MPRIP: variants seen among roughly 807,000 people sequenced by gnomAD.
MPRIP encodes the protein myosin phosphatase Rho-interacting protein.
In MPRIP, 59 loss-of-function variants were observed where a neutral mutation model predicts 234.9. That is an observed-to-expected ratio of 0.25 (90% CI 0.20 to 0.31). The LOEUF is 0.31. Ranked by LOEUF, MPRIP falls within the 10% of genes least tolerant of loss-of-function variation. The pLI is 1.00. For synonymous variants in MPRIP, 1,144 were observed against 1,263.9 expected, an observed-to-expected ratio of 0.91 and a Z score of 2.01; for missense variants, 2,436 against 3,071.0, an observed-to-expected ratio of 0.79 and a Z score of 4.89.
chr17:17,179,898 A>T, intron 22 of MPRIP, 105 bp from the exon 23 acceptor site: 1 of 878,518 alleles, frequency 1.1e-6, no homozygotes, highest in Non-Finnish European at 1.8e-6. Flanking sequence ...TGTCCTAAGT[A>T]TGCTGCAGTA....
intron 4 of MPRIP, among the ~76,000 whole-genome samples, chr17:17,131,252 T>A (rs1440740601): frequency 6.6e-6 from 1 of 152,182 alleles, no homozygotes; most frequent in Non-Finnish European, 1.5e-5. Flanking sequence ...AGCACCTGCC[T>A]CTGTTGCCCT....
chr17:17,142,095 G>A (rs1309158646), intron 7 of MPRIP: 2 of 155,588 alleles, frequency 1.3e-5, no homozygotes, highest in African/African-American at 2.4e-5. Context: ...CTCCGTCTCC[G>A]GCCGTAGACA....
intron 4 of MPRIP, among the ~76,000 whole-genome samples, chr17:17,127,860 C>G (rs554928517): frequency 1.3e-5 from 2 of 152,326 alleles, no homozygotes; most frequent in South Asian, 2.1e-4. Context: ...GTGAGCACAG[C>G]TGGAAGTCCA....
rs780601604 is a variant in MPRIP, at chr17:17,137,897, C to T, written c.737-19C>T. 1.3e-6 allele frequency: 2 copies of T among 1,561,568 alleles called. No individual in the cohort carries two copies. Among genetic ancestry groups the T allele is most frequent in the Non-Finnish European group, 8.7e-7 (1 of 1,154,816 alleles). ...CCAGCAGGCTGAGTGCGTCTCCTCC[C>T]TCCCACTGTCTCTTCCAGAGGAGAG... On this transcript the variant is annotated intron_variant, in intron 6 of 23. Transcript: ENST00000651222.
At chr17:17,128,452 C>T (rs1029697018) in intron 4 of MPRIP, among the ~76,000 whole-genome samples, 3 of 152,314 alleles carry the variant, frequency 2.0e-5, no homozygotes, top group Admixed American at 6.5e-5. Context: ...GTCCTCACTC[C>T]ATCCCAAGCC....
intron 3 of MPRIP, among the ~76,000 whole-genome samples, chr17:17,085,978 G>T (rs2144109957): frequency 6.6e-6 from 1 of 152,346 alleles, no homozygotes; most frequent in Non-Finnish European, 1.5e-5. Context: ...TTATCCAGGT[G>T]CCCAGAGGCC....
In MPRIP at chr17:17,100,431, G is replaced by GGT. The variant is rs143235971; in HGVS notation, c.267+22370_267+22371dup. On this transcript the variant is annotated intron_variant, in intron 3 of 23. Transcript: ENST00000651222. ...CACTTTGTCAGAAAATACATGAATT[G>GGT]GTGTGTGTGTGTGTGTATTTCAGTT... Among the ~76,000 whole-genome samples, 1,117 of 151,708 alleles carry GGT rather than the reference G, an allele frequency of 7.4e-3. 10 individuals are homozygous for GGT. The highest frequency in any genetic ancestry group is 0.022 in the African/African-American group (930 of 41,400).
In MPRIP at chr17:17,167,015, G is replaced by A. The variant is rs1248442507; in HGVS notation, c.5424G>A (p.Ser1808=). The A allele has an allele frequency of 3.8e-6, 5 of 1,304,140 alleles. No homozygotes were observed. Among genetic ancestry groups the A allele is most frequent in the South Asian group, 2.5e-5 (2 of 81,034 alleles). The allele number at this position is 1,304,140 out of a possible 1,614,324, so 80.8% of individuals were successfully genotyped here. A position where few individuals can be genotyped will look rare whatever the true frequency, so the allele number is the denominator to read the frequency against. Residue 1808 remains serine (S), a synonymous_variant, in exon 16 of 24, where the codon TCG becomes TCA. Transcript: ENST00000651222. This position sits in a 1 kb window ranked among gnomAD's most constrained non-coding sequence, Gnocchi z 5.9. Reference sequence around the variant, plus strand: ...TACCATCTCTGCCACCTGTGGAATCGCTGAGAGATTGCCAGAAGCTTCTCC... The same window carrying A: ...TACCATCTCTGCCACCTGTGGAATCACTGAGAGATTGCCAGAAGCTTCTCC... ...AALPSLPPVE[S]LRDCQKLLQV...
chr17:17,167,881 G>C lies in MPRIP; in HGVS notation c.6290G>C (p.Arg2097Pro). 2.3e-6 allele frequency: 3 copies of C among 1,304,042 alleles called. No individual in the cohort carries two copies. Among genetic ancestry groups the C allele is most frequent in the African/African-American group, 1.5e-5 (1 of 66,012 alleles). The allele number at this position is 1,304,042 out of a possible 1,614,324, so 80.8% of individuals were successfully genotyped here. Residue 2097 changes from arginine to proline, a missense_variant, in exon 16 of 24, where the codon CGT becomes CCT. Arg to Pro is a moderately radical substitution (Grantham distance 103, BLOSUM62 -2). This residue lies in a region of MPRIP where 1,998 missense variants were observed against 2,520.3 expected (regional missense o/e 0.79). Transcript: ENST00000651222. The surrounding 1 kb of genome is among the most constrained non-coding windows in gnomAD (Gnocchi z 5.9). ...CTGGAGGGCGACGCGGCCACACTGC[G>C]TGAGAAGTACCAGAGGGACTTGGAG... ...KDLEGDAATL[R>P]EKYQRDLESL...
chr17:17,044,917 G>A (rs1256080888), intron 1 of MPRIP, among the ~76,000 whole-genome samples: 1 of 152,144 alleles, frequency 6.6e-6, no homozygotes, highest in Non-Finnish European at 1.5e-5. Context: ...TGCTGGGAGA[G>A]GTTAGCCCAG....
chr17:17,124,350 A>G, intron 3 of MPRIP, among the ~76,000 whole-genome samples: 1 of 152,190 alleles, frequency 6.6e-6, no homozygotes, highest in East Asian at 1.9e-4. Context: ...ATCCCTTGAG[A>G]AGAAAACTTT....
rs966505405 is a variant in MPRIP at position 17,185,185 on chromosome 17, C to T, written c.*291C>T. ...TGTTAGTCCTTTCCTGGCTGTGACC[C>T]GCCACACTCACTGTCAGTATTAAGG... On this transcript the variant is annotated 3_prime_UTR_variant, in exon 24 of 24. Coordinates refer to ENST00000651222, the MANE Select transcript of MPRIP (RefSeq NM_001364716.4). 1.5e-4 allele frequency: 50 copies of T among 343,212 alleles called. No homozygotes were observed. Among genetic ancestry groups the T allele is most frequent in the Middle Eastern group, 1.1e-3 (1 of 950 alleles). The allele number at this position is 343,212 out of a possible 1,614,324, so 21.3% of individuals were successfully genotyped here.
chr17:17,115,638 A>G (rs886940479), intron 3 of MPRIP, among the ~76,000 whole-genome samples: 2 of 152,106 alleles, frequency 1.3e-5, no homozygotes, highest in Non-Finnish European at 2.9e-5. Flanking sequence ...AGCATTTTTC[A>G]TCAACCCCCA....
chr17:17,151,572 T>C (rs1597466831), intron 12 of MPRIP, among the ~76,000 whole-genome samples: 2 of 152,228 alleles, frequency 1.3e-5, no homozygotes, highest in Non-Finnish European at 2.9e-5. Flanking sequence ...TACTTTCACA[T>C]GGCCCAAACC....
At chr17:17,048,686 A>G (rs2088435279) in intron 1 of MPRIP, among the ~76,000 whole-genome samples, 1 of 152,138 alleles carries the variant, frequency 6.6e-6, no homozygotes, top group African/African-American at 2.4e-5. Flanking sequence ...AGAATATAAC[A>G]TGTTGGCGAG....
In MPRIP at chr17:17,189,690, G is replaced by A. The variant is rs2046549242; in HGVS notation, c.*4796G>A. 1 of 152,230 alleles carries A rather than the reference G, an allele frequency of 6.6e-6. No homozygotes were observed. The highest frequency in any genetic ancestry group is 1.5e-5 in the Non-Finnish European group (1 of 68,032). The allele number at this position is 152,230 out of a possible 1,614,324, so 9.4% of individuals were successfully genotyped here. ...GAACTTCATTCGTTTTAGGGCATGA[G>A]ATAAAAGTCCTGGCTAGGGGAGCCA... On this transcript the variant is annotated 3_prime_UTR_variant, in exon 24 of 24. Coordinates refer to ENST00000651222, the MANE Select transcript of MPRIP (RefSeq NM_001364716.4).
rs560268487 is a variant in MPRIP at position 17,052,442 on chromosome 17, A to T, written c.123+9471A>T. Among the ~76,000 whole-genome samples, 16 of 152,010 alleles carry T rather than the reference A, an allele frequency of 1.1e-4. No homozygotes were observed. In the East Asian group the frequency reaches 2.7e-3, roughly 26 times the overall value. On this transcript the variant is annotated intron_variant, in intron 1 of 23. Transcript: ENST00000651222. ...GCCCTCCCTGCCTTTCCCCCACATT[A>T]TGCAGGTGAGGGATTGTCTTCAATT... is the stretch of plus-strand genomic sequence containing the variant.
At chr17:17,046,236 A>G (rs964728643) in intron 1 of MPRIP, among the ~76,000 whole-genome samples, 4 of 152,218 alleles carry the variant, frequency 2.6e-5, no homozygotes, top group Non-Finnish European at 5.9e-5. Context: ...TGCCAGAACC[A>G]TTTTGCATAT....
rs2046456878 is a variant in MPRIP at position 17,185,390 on chromosome 17, G to A, written c.*496G>A. 1 of 410,384 alleles carries A rather than the reference G, an allele frequency of 2.4e-6. No individual in the cohort carries two copies. Among genetic ancestry groups the A allele is most frequent in the African/African-American group, 2.0e-5 (1 of 48,842 alleles). 25.4% of individuals were successfully genotyped at this position (410,384 alleles called of 1,614,324 possible). ...CACCCGCTAGTCTGGCTGTTAAGAGGAGAAAGTGCACTGCCTTCCAGCCCA... is the reference window on the plus strand; with the variant it reads ...CACCCGCTAGTCTGGCTGTTAAGAGAAGAAAGTGCACTGCCTTCCAGCCCA... On this transcript the variant is annotated 3_prime_UTR_variant, in exon 24 of 24. Coordinates refer to ENST00000651222, the MANE Select transcript of MPRIP (RefSeq NM_001364716.4).
Sources: gnomAD v4.1 joint callset for allele counts (sites outside exome capture counted in the v4.1 genomes callset) on GRCh38, gnomAD v4.1.1 for gene constraint, gnomAD v4.1.1 regional missense constraint, Gnocchi (gnomAD v3.1) non-coding constraint, MANE v1.5 for transcripts, NCBI Gene and HGNC (gene_info 2026-07-23, HGNC 2026-07-21) for gene names.